The following SAMTOR variants were observed in gnomAD, a reference collection of about 807,000 sequenced individuals.
SAMTOR encodes the protein S-adenosylmethionine sensor upstream of mTORC1.
the SAMTOR span, among the ~76,000 whole-genome samples, chr7:112,905,295 A>G: frequency 1.3e-3 from 199 of 152,304 alleles, no homozygotes; most frequent in Middle Eastern, 6.8e-3. Flanking sequence ...CTCTCAGGAA[A>G]TATAAGTAAT....
chr7:112,938,948 C>A, the SAMTOR span, among the ~76,000 whole-genome samples: 4 of 152,068 alleles, frequency 2.6e-5, no homozygotes, highest in African/African-American at 9.7e-5. Flanking sequence ...TCTTCCTCAT[C>A]GCCTAAATAA....
At chr7:112,885,089 T>C in the SAMTOR span, among the ~76,000 whole-genome samples, 1 of 152,234 alleles carries the variant, frequency 6.6e-6, no homozygotes, top group Non-Finnish European at 1.5e-5. Context: ...GCCTGAGCTG[T>C]ACCTTGGCCC....
chr7:112,910,941 A>G, the SAMTOR span, among the ~76,000 whole-genome samples: 4 of 152,188 alleles, frequency 2.6e-5, no homozygotes, highest in Non-Finnish European at 4.4e-5. Context: ...GAGAATGCAA[A>G]GGGGTCTAAA....
chr7:112,892,532 G>C, the SAMTOR span, among the ~76,000 whole-genome samples: 2 of 152,284 alleles, frequency 1.3e-5, no homozygotes, highest in South Asian at 4.1e-4. Context: ...ACTTCCAGAG[G>C]CTGAGACGGG....
the SAMTOR span, chr7:112,822,108 C>A: frequency 1.9e-6 from 3 of 1,613,588 alleles, no homozygotes; most frequent in Non-Finnish European, 2.5e-6. Flanking sequence ...CATAGCATGA[C>A]GGTTCTGATG....
the SAMTOR span, among the ~76,000 whole-genome samples, chr7:112,934,751 A>G: frequency 1.3e-5 from 2 of 152,232 alleles, no homozygotes; most frequent in South Asian, 4.1e-4. Context: ...ACCAAGGCTA[A>G]GAACCGCTAT....
At chr7:112,931,641 T>C in the SAMTOR span, among the ~76,000 whole-genome samples, 1 of 152,204 alleles carries the variant, frequency 6.6e-6, no homozygotes, top group Non-Finnish European at 1.5e-5. Flanking sequence ...TTAATTTTCA[T>C]ATGTTCAATT....
the SAMTOR span, among the ~76,000 whole-genome samples, chr7:112,835,371 G>T: frequency 6.6e-6 from 1 of 152,032 alleles, no homozygotes; most frequent in Non-Finnish European, 1.5e-5. Flanking sequence ...AGATAGAAGT[G>T]GGCAAGTGGA....
chr7:112,877,330 A>G, the SAMTOR span, among the ~76,000 whole-genome samples: 2 of 152,184 alleles, frequency 1.3e-5, no homozygotes, highest in Admixed American at 1.3e-4. Context: ...AATAAAAATA[A>G]AATGTGTTAC....
the SAMTOR span, chr7:112,939,649 C>A: frequency 1.9e-6 from 3 of 1,613,834 alleles, no homozygotes; most frequent in African/African-American, 4.0e-5. Flanking sequence ...CGGAGAGCTT[C>A]TCCTGCTCCA....
the SAMTOR span, among the ~76,000 whole-genome samples, chr7:112,901,107 C>T: frequency 6.6e-6 from 1 of 152,200 alleles, no homozygotes; most frequent in Admixed American, 6.5e-5. Flanking sequence ...AGAAAAGCCA[C>T]AGACACTGAG....
chr7:112,935,312 A>AAT, the SAMTOR span: 85 of 366,922 alleles, frequency 2.3e-4, no homozygotes, highest in Admixed American at 4.4e-4. Flanking sequence ...GTCTCATTCT[A>AAT]ATTTTTAAAA....
chr7:112,919,323 C>A, the SAMTOR span, among the ~76,000 whole-genome samples: 7 of 152,156 alleles, frequency 4.6e-5, no homozygotes, highest in African/African-American at 1.4e-4. Context: ...TACATGGAAA[C>A]TGAACAACCT....
chr7:112,832,465 G>A, the SAMTOR span: 1 of 738,544 alleles, frequency 1.4e-6, no homozygotes, highest in Non-Finnish European at 2.4e-6. Flanking sequence ...GGGTACACAG[G>A]AAATACATTT....
the SAMTOR span, among the ~76,000 whole-genome samples, chr7:112,935,743 G>T: frequency 3.3e-5 from 5 of 152,162 alleles, no homozygotes; most frequent in East Asian, 9.7e-4. Flanking sequence ...AAACGAAATG[G>T]AATGAAAAGT....
At chr7:112,842,107 T>C in the SAMTOR span, among the ~76,000 whole-genome samples, 1 of 152,042 alleles carries the variant, frequency 6.6e-6, no homozygotes, top group Non-Finnish European at 1.5e-5. Flanking sequence ...ATAAGCAATT[T>C]ACATTTCCTG....
At chr7:112,836,392 A>G in the SAMTOR span, among the ~76,000 whole-genome samples, 13 of 152,036 alleles carry the variant, frequency 8.6e-5, no homozygotes, top group African/African-American at 2.9e-4. Flanking sequence ...GACCTTTGTC[A>G]GATGCATGGT....
chr7:112,881,790 G>C, the SAMTOR span, among the ~76,000 whole-genome samples: 2 of 152,112 alleles, frequency 1.3e-5, no homozygotes, highest in Admixed American at 6.5e-5. Flanking sequence ...TCTCCACCTT[G>C]CCCACCCTCC....
the SAMTOR span, among the ~76,000 whole-genome samples, chr7:112,848,154 TA>T: frequency 2.0e-5 from 3 of 151,970 alleles, no homozygotes; most frequent in East Asian, 1.9e-4. Context: ...CTCTGTATCT[TA>T]AAAAAATTTT....
Sources: allele counts gnomAD v4.1 joint callset (sites outside exome capture counted in the v4.1 genomes callset), GRCh38; gene constraint gnomAD v4.1.1; transcripts MANE v1.5; gene names NCBI Gene and HGNC (gene_info 2026-07-23, HGNC 2026-07-21).